The following GPATCH2 variants were observed in gnomAD, a reference collection of about 807,000 sequenced individuals.
GPATCH2 encodes the protein G-patch domain containing 2, also known as G patch domain-containing protein 2.
In GPATCH2, 51 loss-of-function variants were observed where a neutral mutation model predicts 58.0. The observed-to-expected ratio is 0.88, with a 90% CI of 0.70 to 1.11. GPATCH2 has a LOEUF of 1.11. Ranked by LOEUF, GPATCH2 falls within the 50% of genes most tolerant of loss-of-function variation. The pLI, the probability that GPATCH2 is intolerant of heterozygous loss-of-function variation, is 0.00. For missense variants in GPATCH2, 625 were observed against 652.2 expected (o/e 0.96, Z 0.45); for synonymous variants, 222 against 218.5 (o/e 1.02, Z -0.14).
At chr1:217,608,742 T>G in intron 5 of GPATCH2, 1 of 982,914 alleles carries the variant, frequency 1.0e-6, no homozygotes, top group South Asian at 4.7e-5. Context: ...AAAGCATTTA[T>G]GTAATTCAGA....
Position 217,610,373 on chromosome 1 carries a change from T to C in GPATCH2, c.1046A>G (p.His349Arg), listed in dbSNP as rs1452195176. 3.1e-6 allele frequency: 5 copies of C among 1,604,584 alleles called. No homozygotes were observed. The highest frequency in any genetic ancestry group is 4.3e-6 in the Non-Finnish European group (5 of 1,171,988). ...RGFQARLSRL[H>R]GMSSKNIKKS... ...TTTAATATTCTTTGAAGACATTCCA[T>C]GAAGGCGACTGAGTCTAGCTTGGAA... is the stretch of plus-strand genomic sequence containing the variant. Residue 349 changes from histidine (H) to arginine (R), a missense_variant, in exon 5 of 10, where the codon CAT (histidine) becomes CGT (arginine). By Grantham distance (29) the His-to-Arg change is conservative. Coordinates refer to ENST00000366935, the MANE Select transcript of GPATCH2 (RefSeq NM_018040.5).
intron 5 of GPATCH2, among the ~76,000 whole-genome samples, chr1:217,517,089 C>T (rs1231074471): frequency 2.0e-5 from 3 of 152,072 alleles, no homozygotes; most frequent in Non-Finnish European, 4.4e-5. Context: ...TATTTCTCAG[C>T]AATCATATAT....
At chr1:217,570,321 C>G (rs1666472891) in intron 5 of GPATCH2, among the ~76,000 whole-genome samples, 1 of 152,024 alleles carries the variant, frequency 6.6e-6, no homozygotes, top group Non-Finnish European at 1.5e-5. Context: ...CCATGTTGAC[C>G]AGGCTGGTCT....
intron 8 of GPATCH2, among the ~76,000 whole-genome samples, chr1:217,468,505 GCA>G (rs1558413784): frequency 7.8e-5 from 10 of 128,438 alleles, no homozygotes; most frequent in African/African-American, 3.2e-4. Flanking sequence ...GTCAAGGAAT[GCA>G]CACACAACCA....
intron 8 of GPATCH2, among the ~76,000 whole-genome samples, chr1:217,483,283 C>G (rs548713852): frequency 1.3e-5 from 2 of 152,042 alleles, no homozygotes; most frequent in Non-Finnish European, 2.9e-5. Context: ...CTCCCAGGCT[C>G]AAGCAATCCT....
chr1:217,625,145 C>T (rs1444402342), intron 1 of GPATCH2, among the ~76,000 whole-genome samples: 2 of 152,162 alleles, frequency 1.3e-5, no homozygotes, highest in African/African-American at 4.8e-5. Flanking sequence ...TTCGCTTCCT[C>T]TACCAAATAC....
intron 8 of GPATCH2, among the ~76,000 whole-genome samples, chr1:217,472,795 A>G (rs1039901488): frequency 2.6e-5 from 4 of 152,188 alleles, no homozygotes; most frequent in African/African-American, 7.2e-5. Context: ...AAGAGATTGA[A>G]AATTGCAGAA....
intron 9 of GPATCH2, among the ~76,000 whole-genome samples, chr1:217,446,270 A>G (rs77171749): frequency 0.015 from 2,222 of 152,250 alleles, 18 homozygotes; most frequent in Middle Eastern, 0.054. Flanking sequence ...GAGTTCTGCA[A>G]GGGCCTATAA....
At chr1:217,478,923 G>C (rs1289046407) in intron 8 of GPATCH2, among the ~76,000 whole-genome samples, 1 of 152,030 alleles carries the variant, frequency 6.6e-6, no homozygotes, top group Non-Finnish European at 1.5e-5. Context: ...CAATACATGT[G>C]GCAGCAGACT....
chr1:217,580,156 C>T (rs1666999392), intron 5 of GPATCH2, among the ~76,000 whole-genome samples: 1 of 152,146 alleles, frequency 6.6e-6, no homozygotes, highest in Non-Finnish European at 1.5e-5. Context: ...CAAGAACTTA[C>T]TATAGTTAAA....
chr1:217,594,467 T>C (rs1242605249), intron 5 of GPATCH2, among the ~76,000 whole-genome samples: 1 of 152,144 alleles, frequency 6.6e-6, no homozygotes, highest in Non-Finnish European at 1.5e-5. Context: ...TTCCAAATTA[T>C]TATAATAATC....
chr1:217,498,465 G>A (rs912367563), intron 6 of GPATCH2, 70 bp from the exon 7 acceptor site: 60 of 1,138,604 alleles, frequency 5.3e-5, no homozygotes, highest in East Asian at 9.3e-5. Context: ...TGATCGAGCC[G>A]CATGTGCTTT....
intron 5 of GPATCH2, among the ~76,000 whole-genome samples, chr1:217,530,409 C>T (rs1034768644): frequency 9.2e-5 from 14 of 152,186 alleles, no homozygotes; most frequent in African/African-American, 3.4e-4. Flanking sequence ...GCACATAGAT[C>T]AGTGTGTATT....
At chr1:217,572,876 TA>T (rs1666633041) in intron 5 of GPATCH2, among the ~76,000 whole-genome samples, 1 of 152,174 alleles carries the variant, frequency 6.6e-6, no homozygotes, top group Admixed American at 6.5e-5. Flanking sequence ...GGAGGGTTAA[TA>T]GTGAAAATAT....
At chr1:217,615,474 T>C (rs1668840530) in intron 2 of GPATCH2, among the ~76,000 whole-genome samples, 2 of 152,136 alleles carry the variant, frequency 1.3e-5, no homozygotes, top group Non-Finnish European at 1.5e-5. Context: ...TTCTATGCAC[T>C]ATAATGTGAG....
intron 5 of GPATCH2, among the ~76,000 whole-genome samples, chr1:217,550,460 CAT>C (rs562345196): frequency 4.6e-4 from 69 of 151,578 alleles, no homozygotes; most frequent in Non-Finnish European, 7.8e-4. Flanking sequence ...CAACAATAAA[CAT>C]ATGAAAAAAA....
In GPATCH2 at chr1:217,491,692, C is replaced by A; in HGVS notation, c.1265G>T (p.Arg422Ile). ...ERGHKKNCSV[R>I]TASRQTSMHL... ...TTGAATTGCTTACCTGCTGGCTGTTCTCACAGAACAATTTTTCTTGTGTCC... is the reference window on the plus strand; with the variant it reads ...TTGAATTGCTTACCTGCTGGCTGTTATCACAGAACAATTTTTCTTGTGTCC... Residue 422 changes from arginine (R) to isoleucine (I), a missense_variant, in exon 8 of 10, where the codon AGA becomes ATA. Arg to Ile is a moderately conservative substitution (Grantham distance 97, BLOSUM62 -3). Coordinates refer to ENST00000366935, the MANE Select transcript of GPATCH2 (RefSeq NM_018040.5). The A allele has an allele frequency of 6.7e-7, 1 of 1,497,968 alleles. No homozygotes were observed. Among genetic ancestry groups the A allele is most frequent in the Non-Finnish European group, 9.2e-7 (1 of 1,085,740 alleles). The allele number at this position is 1,497,968 out of a possible 1,614,324, so 92.8% of individuals were successfully genotyped here.
At chr1:217,491,809 G>T in intron 7 of GPATCH2, 59 bp from the exon 8 acceptor site, 1 of 644,892 alleles carries the variant, frequency 1.6e-6, no homozygotes, top group Non-Finnish European at 2.7e-6. Context: ...ATATTATTTT[G>T]CAAGTAGGAA....
rs549407238 is a variant in GPATCH2 at position 217,489,744 on chromosome 1, C to A, written c.1277+1936G>T. ...GGGTGTGGCGGCACATGCCTGTAAT[C>A]CCAGCTACTTGGGAGGCTGGGGCAG... On this transcript the variant is annotated intron_variant, in intron 8 of 9. Transcript: ENST00000366935. Among the ~76,000 whole-genome samples the A allele has an allele frequency of 4.6e-5, 7 of 152,300 alleles. No individual in the cohort carries two copies. The East Asian group carries it at 1.4e-3, about 29-fold the overall frequency.
Sources: allele counts gnomAD v4.1 joint callset (sites outside exome capture counted in the v4.1 genomes callset), GRCh38; gene constraint gnomAD v4.1.1; transcripts MANE v1.5; gene names NCBI Gene and HGNC (gene_info 2026-07-23, HGNC 2026-07-21).